The following SNTG2 variants were observed in gnomAD, a reference collection of about 807,000 sequenced individuals.
The protein encoded by SNTG2 is syntrophin gamma 2.
In SNTG2, 74 loss-of-function variants were observed where a neutral mutation model predicts 70.9. The observed-to-expected ratio is 1.04, with a 90% CI of 0.86 to 1.27. The LOEUF (loss-of-function observed/expected upper bound fraction) is 1.27. Ranked by LOEUF, SNTG2 falls within the 50% of genes most tolerant of loss-of-function variation. SNTG2 has a pLI of 0.00. For synonymous variants in SNTG2, 278 were observed against 273.8 expected (o/e 1.02, Z -0.15); for missense variants, 717 against 690.7 (o/e 1.04, Z -0.43).
intron 8 of SNTG2, 120 bp from the exon 9 acceptor site, chr2:1,208,983 T>C (rs1572730812): frequency 3.4e-6 from 2 of 587,646 alleles, no homozygotes; most frequent in Non-Finnish European, 4.5e-6. Context: ...CCTCACTTGC[T>C]TTTTTATCAG....
At chr2:977,423 T>C (rs6761698) in intron 1 of SNTG2, among the ~76,000 whole-genome samples, 45,978 of 151,992 alleles carry the variant, frequency 0.3, 7,346 homozygotes, top group Middle Eastern at 0.4. Flanking sequence ...GAAAGTTCGC[T>C]GGATTTAACT....
intron 7 of SNTG2, among the ~76,000 whole-genome samples, chr2:1,166,398 T>C (rs1218915235): frequency 6.6e-6 from 1 of 152,192 alleles, no homozygotes; most frequent in Non-Finnish European, 1.5e-5. Flanking sequence ...TGGTGGGCTG[T>C]CCTTCCTGTC....
In SNTG2 at chr2:998,605, A is replaced by G. The variant is rs538929885; in HGVS notation, c.72+47537A>G. 1.2e-4 allele frequency among the ~76,000 whole-genome samples: 18 copies of G among 152,160 alleles called. No homozygotes were observed. In the South Asian group the frequency reaches 2.9e-3, roughly 25 times the overall value. ...TCTTTCAAATTAACTCAAGCATAAA[A>G]AAAAAATTTAAGGCCTTTAAAGAGT... is the stretch of plus-strand genomic sequence containing the variant. On this transcript the variant is annotated intron_variant, in intron 1 of 16. Coordinates refer to ENST00000308624, the MANE Select transcript of SNTG2 (RefSeq NM_018968.4).
intron 4 of SNTG2, among the ~76,000 whole-genome samples, chr2:1,113,204 G>A (rs1666636925): frequency 6.6e-6 from 1 of 150,438 alleles, no homozygotes; most frequent in South Asian, 2.1e-4. Context: ...GAAGGATCGT[G>A]TGTACTGAGG....
chr2:1,183,732 A>G (rs1346375667), intron 8 of SNTG2, among the ~76,000 whole-genome samples: 3 of 152,210 alleles, frequency 2.0e-5, no homozygotes, highest in Non-Finnish European at 4.4e-5. Context: ...CTCTCAGTTC[A>G]TGAAGTTTTT....
At chr2:1,148,392 G>T (rs1308425898) in intron 6 of SNTG2, among the ~76,000 whole-genome samples, 1 of 152,174 alleles carries the variant, frequency 6.6e-6, no homozygotes, top group African/African-American at 2.4e-5. Context: ...TGTTCCCAGG[G>T]CAGCCCAGGT....
At chr2:1,362,660 G>A (rs550831772) in intron 16 of SNTG2, among the ~76,000 whole-genome samples, 8 of 150,318 alleles carry the variant, frequency 5.3e-5, no homozygotes, top group East Asian at 2.0e-4. Context: ...AGTCACCAAC[G>A]CTGAGCATTT....
At chr2:1,134,860 C>G (rs575900717) in intron 4 of SNTG2, among the ~76,000 whole-genome samples, 1 of 152,278 alleles carries the variant, frequency 6.6e-6, no homozygotes, top group Admixed American at 6.5e-5. Context: ...GGTCCCGAGC[C>G]CTGCCCCGCG....
intron 4 of SNTG2, among the ~76,000 whole-genome samples, chr2:1,121,597 G>A (rs6730881): frequency 0.023 from 3,540 of 152,048 alleles, 60 homozygotes; most frequent in Non-Finnish European, 0.034. Flanking sequence ...CTGGGGAGGC[G>A]TCAGAAGACT....
At chr2:1,061,062 A>G (rs886152547) in intron 1 of SNTG2, among the ~76,000 whole-genome samples, 1 of 150,664 alleles carries the variant, frequency 6.6e-6, no homozygotes, top group Non-Finnish European at 1.5e-5. Flanking sequence ...GCTGAGGAAC[A>G]TTCCACAAAA....
intron 13 of SNTG2, among the ~76,000 whole-genome samples, chr2:1,260,315 T>G (rs890383926): frequency 6.6e-6 from 1 of 152,216 alleles, no homozygotes; most frequent in African/African-American, 2.4e-5. Context: ...CTGCCTTTAA[T>G]GGAAACATGT....
rs754247183 is a variant in SNTG2, at chr2:1,137,688, C to G, written c.369+23C>G. 4 of 1,613,502 alleles carry G rather than the reference C, an allele frequency of 2.5e-6. No homozygotes were observed. In the South Asian group the frequency reaches 3.3e-5, roughly 13 times the overall value. On this transcript the variant is annotated intron_variant, in intron 5 of 16. Transcript: ENST00000308624. ...CAGGTCAGTATTGTACACGTTAATC[C>G]TTAACTTGATTGCATTTTTATTTTT...
chr2:1,119,465 A>G (rs749728855), intron 4 of SNTG2, among the ~76,000 whole-genome samples: 1 of 152,144 alleles, frequency 6.6e-6, no homozygotes, highest in Non-Finnish European at 1.5e-5. Context: ...AACTAAGGCC[A>G]TAATAACTTT....
At chr2:1,198,618 GT>G (rs972225601) in intron 8 of SNTG2, among the ~76,000 whole-genome samples, 39 of 152,074 alleles carry the variant, frequency 2.6e-4, no homozygotes, top group African/African-American at 6.5e-4. Flanking sequence ...ATTAATAAAA[GT>G]TTTTTAGTAA....
At position 1,275,878 on chromosome 2, in the gene SNTG2, GAAT is replaced by G. The variant is rs754943094; in HGVS notation, c.1284+8313_1284+8315del. Among the ~76,000 whole-genome samples the G allele has an allele frequency of 3.9e-5, 6 of 152,294 alleles. No individual in the cohort carries two copies. In the East Asian group the frequency reaches 9.7e-4, roughly 25 times the overall value. ...AAAAGTGCTACTCCAGTGAACTCATGAATAATAAGAAAGCAAAACAGCCATACT... is the reference window on the plus strand; with the variant it reads ...AAAAGTGCTACTCCAGTGAACTCATGAATAAGAAAGCAAAACAGCCATACT... On this transcript the variant is annotated intron_variant, in intron 14 of 16. Transcript: ENST00000308624.
At chr2:976,574 G>A (rs1572182290) in intron 1 of SNTG2, among the ~76,000 whole-genome samples, 1 of 152,164 alleles carries the variant, frequency 6.6e-6, no homozygotes, top group South Asian at 2.1e-4. Context: ...ACAGTGCTCC[G>A]GTGTGCACGG....
intron 16 of SNTG2, among the ~76,000 whole-genome samples, chr2:1,335,408 C>G (rs1659769695): frequency 6.6e-6 from 1 of 152,142 alleles, no homozygotes; most frequent in African/African-American, 2.4e-5. Context: ...AAAGGTGAAC[C>G]AGGGCTATAG....
intron 1 of SNTG2, among the ~76,000 whole-genome samples, chr2:962,851 T>A (rs1660397501): frequency 6.6e-6 from 1 of 152,166 alleles, no homozygotes; most frequent in African/African-American, 2.4e-5. Flanking sequence ...AAACAGTTCA[T>A]TAAAACAGAA....
intron 6 of SNTG2, chr2:1,161,702 C>T (rs1054749686): frequency 2.6e-5 from 4 of 152,134 alleles, no homozygotes; most frequent in Admixed American, 2.6e-4. Flanking sequence ...ATTTTAAAGT[C>T]CCCAAAAAAT....
Sources: gnomAD v4.1 joint callset for allele counts (sites outside exome capture counted in the v4.1 genomes callset) on GRCh38, gnomAD v4.1.1 for gene constraint, MANE v1.5 for transcripts, NCBI Gene and HGNC (gene_info 2026-07-23, HGNC 2026-07-21) for gene names.